The following CELF4 variants were observed in gnomAD, a reference collection of about 807,000 sequenced individuals.
The protein encoded by CELF4 is CUGBP Elav-like family member 4, also known as CUG-BP- and ETR-3-like factor 4.
Under a neutral mutation model 59.9 loss-of-function variants are expected in CELF4, and 18 were observed. That is an observed-to-expected ratio of 0.30 (90% CI 0.21 to 0.45). The LOEUF is 0.45. Ranked by LOEUF, CELF4 falls within the 20% of genes least tolerant of loss-of-function variation. The pLI, the probability that CELF4 is intolerant of heterozygous loss-of-function variation, is 1.00. For synonymous variants in CELF4, 261 were observed against 267.1 expected (o/e 0.98, Z 0.22); for missense variants, 456 against 689.0 (o/e 0.66, Z 3.79).
chr18:37,272,876 C>T, intron 7 of CELF4, 140 bp downstream of exon 7: 1 of 795,824 alleles, frequency 1.3e-6, no homozygotes, highest in Non-Finnish European at 1.9e-6. Flanking sequence ...AGACAAACTG[C>T]CAGAAGGCAA....
intron 2 of CELF4, among the ~76,000 whole-genome samples, chr18:37,357,318 G>A (rs143580009): frequency 1.5e-3 from 234 of 152,346 alleles, no homozygotes; most frequent in African/African-American, 5.2e-3. Context: ...AGGGGCCAGC[G>A]TAGAGCTCGG....
At chr18:37,416,654 T>C (rs1442305162) in intron 2 of CELF4, among the ~76,000 whole-genome samples, 2 of 152,144 alleles carry the variant, frequency 1.3e-5, no homozygotes, top group Admixed American at 1.3e-4. Context: ...TCAGCCAGCC[T>C]GGGGGGCCTC....
At chr18:37,361,329 T>C (rs903707337) in intron 2 of CELF4, among the ~76,000 whole-genome samples, 1 of 152,214 alleles carries the variant, frequency 6.6e-6, no homozygotes, top group East Asian at 1.9e-4. Flanking sequence ...GTTGTGCCTG[T>C]GGCTCACCAG....
At chr18:37,486,647 C>A (rs577670305) in intron 1 of CELF4, among the ~76,000 whole-genome samples, 2 of 152,226 alleles carry the variant, frequency 1.3e-5, no homozygotes, top group African/African-American at 4.8e-5. Flanking sequence ...CTCACTATGG[C>A]GGAAGCAGGC....
intron 2 of CELF4, among the ~76,000 whole-genome samples, chr18:37,370,960 A>G (rs2098856851): frequency 6.6e-6 from 1 of 152,140 alleles, no homozygotes; most frequent in African/African-American, 2.4e-5. Context: ...CTCAAGTGCA[A>G]TTCCATCCGG....
chr18:37,485,575 A>T lies in CELF4; in HGVS notation c.319T>A (p.Ser107Thr). 6.9e-7 allele frequency: 1 copy of T among 1,459,310 alleles called. No individual in the cohort carries two copies. Among genetic ancestry groups the T allele is most frequent in the Non-Finnish European group, 9.1e-7 (1 of 1,093,376 alleles). 90.4% of individuals were successfully genotyped at this position (1,459,310 alleles called of 1,614,324 possible). Residue 107 changes from serine to threonine, a missense_variant, in exon 2 of 13, where the codon TCA becomes ACA. Coordinates refer to ENST00000420428, the MANE Select transcript of CELF4 (RefSeq NM_020180.4). ...AGCGCGCTCTGGGCCTTCAGCGCTG[A>T]CTCACGCTCGCAGTAGGTGAGGAAG... ...CAFLTYCERE[S>T]ALKAQSALHE...
At chr18:37,289,626 G>A (rs2095175576) in intron 3 of CELF4, among the ~76,000 whole-genome samples, 1 of 152,038 alleles carries the variant, frequency 6.6e-6, no homozygotes, top group Non-Finnish European at 1.5e-5. Context: ...CTGACAGTGG[G>A]CTCTGTGCCA....
chr18:37,306,742 C>T (rs2096427262), intron 3 of CELF4, among the ~76,000 whole-genome samples: 1 of 152,072 alleles, frequency 6.6e-6, no homozygotes, highest in Non-Finnish European at 1.5e-5. Flanking sequence ...GGAAATGTCC[C>T]AGTTGGAGGC....
At chr18:37,313,797 G>A (rs1484691909) in intron 3 of CELF4, among the ~76,000 whole-genome samples, 1 of 152,264 alleles carries the variant, frequency 6.6e-6, no homozygotes, top group Non-Finnish European at 1.5e-5. Flanking sequence ...GAGGGGCCAG[G>A]AGGATGCAAT....
At chr18:37,331,448 C>T (rs1186917005) in intron 2 of CELF4, among the ~76,000 whole-genome samples, 1 of 152,104 alleles carries the variant, frequency 6.6e-6, no homozygotes, top group Non-Finnish European at 1.5e-5. Context: ...AGGGGAAGGT[C>T]GCTGAGAAGC....
At chr18:37,505,490 C>A (rs1016220672) in intron 1 of CELF4, among the ~76,000 whole-genome samples, 1 of 152,124 alleles carries the variant, frequency 6.6e-6, no homozygotes, top group Non-Finnish European at 1.5e-5. Context: ...GCACAGTGGG[C>A]TTTTGGGAGC....
chr18:37,561,514 A>C (rs963550171), intron 1 of CELF4, among the ~76,000 whole-genome samples: 1 of 152,042 alleles, frequency 6.6e-6, no homozygotes, highest in Admixed American at 6.5e-5. Flanking sequence ...TATATCTCCC[A>C]GTAACTCAGT....
At chr18:37,304,524 G>A (rs1448683216) in intron 3 of CELF4, among the ~76,000 whole-genome samples, 1 of 152,190 alleles carries the variant, frequency 6.6e-6, no homozygotes, top group Non-Finnish European at 1.5e-5. Context: ...TAAATTCAAG[G>A]ACAAACCGAC....
chr18:37,496,483 T>C (rs773196855), intron 1 of CELF4, among the ~76,000 whole-genome samples: 5 of 152,192 alleles, frequency 3.3e-5, no homozygotes, highest in Non-Finnish European at 5.9e-5. Flanking sequence ...GGCTTCTTCC[T>C]AACAGGCTCT....
intron 2 of CELF4, among the ~76,000 whole-genome samples, chr18:37,469,856 C>T (rs1268134762): frequency 6.6e-6 from 1 of 152,112 alleles, no homozygotes; most frequent in Non-Finnish European, 1.5e-5. Context: ...ACGGTGCAGG[C>T]TGGAGCACGC....
At chr18:37,515,183 T>C (rs2099949264) in intron 1 of CELF4, among the ~76,000 whole-genome samples, 1 of 152,186 alleles carries the variant, frequency 6.6e-6, no homozygotes, top group East Asian at 1.9e-4. Flanking sequence ...GCAGTGGTTT[T>C]TATAGTACAG....
intron 3 of CELF4, among the ~76,000 whole-genome samples, chr18:37,318,138 G>A (rs140587445): frequency 7.4e-4 from 112 of 152,168 alleles, no homozygotes; most frequent in African/African-American, 2.4e-3. Flanking sequence ...TCTGGGTTTC[G>A]GGGACTCGTA....
intron 3 of CELF4, among the ~76,000 whole-genome samples, chr18:37,299,762 G>C (rs1462260277): frequency 6.6e-6 from 1 of 152,200 alleles, no homozygotes; most frequent in African/African-American, 2.4e-5. Context: ...GGGTTTTCTG[G>C]AAGCCAGCCA....
chr18:37,450,242 A>G (rs1255865150), intron 2 of CELF4, among the ~76,000 whole-genome samples: 1 of 151,942 alleles, frequency 6.6e-6, no homozygotes, highest in Admixed American at 6.6e-5. Context: ...GTATGTGTGT[A>G]TGCGTGTGAG....
Sources: gnomAD v4.1 joint callset for allele counts (sites outside exome capture counted in the v4.1 genomes callset) on GRCh38, gnomAD v4.1.1 for gene constraint, MANE v1.5 for transcripts, NCBI Gene and HGNC (gene_info 2026-07-23, HGNC 2026-07-21) for gene names.